MALRD1: variants seen among roughly 807,000 people sequenced by gnomAD.
MALRD1 encodes MAM and LDL-receptor class A domain-containing protein 1.
Under a neutral mutation model 242.1 loss-of-function variants are expected in MALRD1, and 247 were observed. The observed-to-expected ratio is 1.02, with a 90% CI of 0.92 to 1.13. MALRD1 has a LOEUF of 1.13. Ranked by LOEUF, MALRD1 falls within the 50% of genes most tolerant of loss-of-function variation. The pLI, the probability that MALRD1 is intolerant of heterozygous loss-of-function variation, is 0.00. For synonymous variants in MALRD1, 995 were observed against 866.6 expected (o/e 1.15, Z -2.60); for missense variants, 2,989 against 2,533.1 (o/e 1.18, Z -3.86).
Position 19,324,057 on chromosome 10 carries a change from C to A in MALRD1, c.3528C>A (p.Thr1176=), listed in dbSNP as rs1005822121. ...TTTCACTCACGGGACCAAAATGTACCTTGGTGTTCTGGACACATATGAATG... is the reference window on the plus strand; with the variant it reads ...TTTCACTCACGGGACCAAAATGTACATTGGTGTTCTGGACACATATGAATG... ...PIISLTGPKC[T]LVFWTHMNGA... Residue 1176 remains threonine, a synonymous_variant, in exon 22 of 40, where the codon ACC becomes ACA. Transcript: ENST00000454679. 1.7e-5 allele frequency: 26 copies of A among 1,550,438 alleles called. No homozygotes were observed. The highest frequency in any genetic ancestry group is 2.2e-5 in the Non-Finnish European group (25 of 1,146,872).
At chr10:19,084,777 A>G (rs982790364) in intron 2 of MALRD1, among the ~76,000 whole-genome samples, 1 of 152,008 alleles carries the variant, frequency 6.6e-6, no homozygotes, top group Non-Finnish European at 1.5e-5. Context: ...TCATTCCAAA[A>G]CTTAACCAGT....
chr10:19,263,954 A>G (rs1248528005), intron 19 of MALRD1, among the ~76,000 whole-genome samples: 2 of 152,154 alleles, frequency 1.3e-5, no homozygotes, highest in Admixed American at 1.3e-4. Flanking sequence ...TGTCTTAGAG[A>G]CAAAGATTTG....
At chr10:19,357,076 C>A (rs1424072629) in intron 26 of MALRD1, among the ~76,000 whole-genome samples, 1 of 150,840 alleles carries the variant, frequency 6.6e-6, no homozygotes, top group Middle Eastern at 3.2e-3. Flanking sequence ...TGCCACTGCA[C>A]TCCAGCCTGG....
intron 28 of MALRD1, among the ~76,000 whole-genome samples, chr10:19,413,479 A>G (rs1196345863): frequency 1.3e-5 from 2 of 151,728 alleles, no homozygotes; most frequent in African/African-American, 2.4e-5. Context: ...TTTATTTACA[A>G]TTTTTGATTT....
intron 29 of MALRD1, among the ~76,000 whole-genome samples, chr10:19,478,786 A>G (rs938895676): frequency 2.0e-5 from 3 of 152,176 alleles, no homozygotes; most frequent in Non-Finnish European, 4.4e-5. Context: ...TATATAGAGT[A>G]TCAAAGTCAC....
chr10:19,513,640 G>A (rs1411639246), intron 31 of MALRD1, among the ~76,000 whole-genome samples: 1 of 152,012 alleles, frequency 6.6e-6, no homozygotes, highest in Non-Finnish European at 1.5e-5. Flanking sequence ...TCGGGAGGCT[G>A]AGGCAGGAGA....
rs1291959914 is a variant in MALRD1 at position 19,204,337 on chromosome 10, A to C, written c.2134A>C (p.Ser712Arg). 1 of 1,547,330 alleles carries C rather than the reference A, an allele frequency of 6.5e-7. No homozygotes were observed. The highest frequency in any genetic ancestry group is 1.4e-5 in the African/African-American group (1 of 72,414). ...TTTTATGTTCATTCTGAAGAAAAGC[A>C]GCAGCTTGTGGCAAGTTGCTAAGCT... is the stretch of plus-strand genomic sequence containing the variant. ...GHFMFILKKSSSLWQVAKLQS... is the reference protein window; with the variant it reads ...GHFMFILKKSRSLWQVAKLQS... The change falls in exon 16 of 40, where the codon AGC becomes CGC. Residue 712 changes from serine to arginine, a missense_variant. Transcript: ENST00000454679.
At chr10:19,393,519 C>G in intron 28 of MALRD1, among the ~76,000 whole-genome samples, 2 of 140,412 alleles carry the variant, frequency 1.4e-5, no homozygotes, top group Admixed American at 1.5e-4. Context: ...GATCTCGGCT[C>G]ACTGCAAGCT....
intron 36 of MALRD1, among the ~76,000 whole-genome samples, chr10:19,665,151 G>A (rs1841620919): frequency 6.6e-6 from 1 of 152,106 alleles, no homozygotes; most frequent in African/African-American, 2.4e-5. Context: ...ATGTAGGAGA[G>A]CTCCGTGATG....
chr10:19,129,519 G>A (rs537094757), intron 8 of MALRD1, among the ~76,000 whole-genome samples: 1 of 151,984 alleles, frequency 6.6e-6, no homozygotes, highest in East Asian at 1.9e-4. Context: ...TGTCACATAG[G>A]TATGATCATT....
intron 5 of MALRD1, among the ~76,000 whole-genome samples, chr10:19,109,060 C>T (rs1265847178): frequency 1.3e-5 from 2 of 152,120 alleles, no homozygotes; most frequent in Admixed American, 1.3e-4. Flanking sequence ...AGGTAGGGTA[C>T]ACTGACTTTG....
chr10:19,106,067 A>G (rs547255593), intron 5 of MALRD1, among the ~76,000 whole-genome samples: 1 of 151,850 alleles, frequency 6.6e-6, no homozygotes, highest in Admixed American at 6.6e-5. Context: ...TATTTATTCT[A>G]TGAGTGAAAT....
At chr10:19,699,668 A>G (rs1040676626) in intron 38 of MALRD1, among the ~76,000 whole-genome samples, 1 of 152,190 alleles carries the variant, frequency 6.6e-6, no homozygotes. Flanking sequence ...GCATAGCACC[A>G]GCATCTGCTT....
intron 38 of MALRD1, among the ~76,000 whole-genome samples, chr10:19,697,544 T>C (rs1833436577): frequency 6.6e-6 from 1 of 152,096 alleles, no homozygotes; most frequent in Non-Finnish European, 1.5e-5. Flanking sequence ...ACACAAAAAG[T>C]TTACTTTCAT....
chr10:19,280,286 C>G, intron 20 of MALRD1, 63 bp downstream of exon 20: 1 of 1,266,712 alleles, frequency 7.9e-7, no homozygotes, highest in Non-Finnish European at 1.0e-6. Context: ...AGTGTAATCT[C>G]TAAGTAGCAC....
chr10:19,392,713 A>G (rs1286595747), intron 28 of MALRD1, among the ~76,000 whole-genome samples: 1 of 152,228 alleles, frequency 6.6e-6, no homozygotes, highest in Admixed American at 6.5e-5. Context: ...GGATCAAAAA[A>G]ATTGAGAAAT....
intron 28 of MALRD1, among the ~76,000 whole-genome samples, chr10:19,447,726 G>A (rs373981302): frequency 3.1e-4 from 42 of 136,886 alleles, no homozygotes; most frequent in African/African-American, 1.1e-3. Context: ...AATATTGCTA[G>A]GAGTCAGATA....
intron 14 of MALRD1, among the ~76,000 whole-genome samples, chr10:19,191,455 A>G (rs535872027): frequency 1.3e-5 from 2 of 152,356 alleles, no homozygotes; most frequent in East Asian, 3.9e-4. Context: ...AATTAAAAAT[A>G]TAATTACCAT....
chr10:19,440,374 T>C (rs972378912), intron 28 of MALRD1, among the ~76,000 whole-genome samples: 3 of 152,172 alleles, frequency 2.0e-5, no homozygotes, highest in Non-Finnish European at 4.4e-5. Context: ...CTTTAAGTTC[T>C]AGGGTACATG....
Sources: gnomAD v4.1 joint callset for allele counts (sites outside exome capture counted in the v4.1 genomes callset) on GRCh38, gnomAD v4.1.1 for gene constraint, MANE v1.5 for transcripts, NCBI Gene and HGNC (gene_info 2026-07-23, HGNC 2026-07-21) for gene names.